RNF17: variants seen among roughly 807,000 people sequenced by gnomAD.
RNF17 encodes the protein ring finger protein 17.
In RNF17, 31 loss-of-function variants were observed where a neutral mutation model predicts 200.5. That is an observed-to-expected ratio of 0.15 (90% CI 0.12 to 0.21). The LOEUF is 0.21. RNF17 is among the 10% of genes least tolerant of loss of function. RNF17 has a pLI of 1.00. For synonymous variants in RNF17, 606 were observed against 637.8 expected (o/e 0.95, Z 0.75); for missense variants, 1,628 against 1,905.1 (o/e 0.85, Z 2.71).
intron 27 of RNF17, 36 bp from the exon 28 acceptor site, chr13:24,862,677 A>G: frequency 7.6e-7 from 1 of 1,313,044 alleles, no homozygotes; most frequent in Non-Finnish European, 1.1e-6. Context: ...ATTTTATGAA[A>G]GCATAAAAGA....
chr13:24,774,854 G>A lies in RNF17; in HGVS notation c.267G>A (p.Met89Ile). 6.2e-7 allele frequency: 1 copy of A among 1,612,580 alleles called. No individual in the cohort carries two copies. The highest frequency in any genetic ancestry group is 8.5e-7 in the Non-Finnish European group (1 of 1,178,850). Reference sequence around the variant, plus strand: ...ATACTAGACAACGCTACTACCCAATGGCTGGATATATTAAGGAAGACTCCA... The same window carrying A: ...ATACTAGACAACGCTACTACCCAATAGCTGGATATATTAAGGAAGACTCCA... ...AVNTRQRYYP[M>I]AGYIKEDSIM... is the part of the protein sequence containing the mutation. Residue 89 changes from methionine to isoleucine, a missense_variant, in exon 3 of 36, where the codon ATG becomes ATA. Around this residue, in one of 5 missense-constraint regions of RNF17, gnomAD observed 502 missense variants for 501.7 expected, o/e 1.00. Transcript: ENST00000255324.
rs192859362 is a variant in RNF17 at position 24,826,072 on chromosome 13, C to G, written c.2245+300C>G. The G allele has an allele frequency of 4.8e-5, 47 of 984,952 alleles. No homozygotes were observed. The African/African-American group carries it at 7.3e-4, about 15-fold the overall frequency. 61.0% of individuals were successfully genotyped at this position (984,952 alleles called of 1,614,324 possible). On this transcript the variant is annotated intron_variant, in intron 16 of 35. Coordinates refer to ENST00000255324, the MANE Select transcript of RNF17 (RefSeq NM_031277.3). ...CTCTAGTTTGATGTTGACTGTTTGT[C>G]TGTCCCATGCTATTTTGATTGTCAA... is the stretch of plus-strand genomic sequence containing the variant.
chr13:24,809,389 A>G (rs1304880128), intron 15 of RNF17, among the ~76,000 whole-genome samples: 1 of 152,062 alleles, frequency 6.6e-6, no homozygotes, highest in Non-Finnish European at 1.5e-5. Context: ...TGTGTCGAGG[A>G]ATTTATCCAT....
intron 26 of RNF17, among the ~76,000 whole-genome samples, chr13:24,860,075 G>C (rs1286549258): frequency 3.3e-5 from 5 of 151,748 alleles, no homozygotes; most frequent in Admixed American, 3.3e-4. Context: ...AAGTAAAATA[G>C]TTTCAAATTT....
intron 24 of RNF17, among the ~76,000 whole-genome samples, chr13:24,852,371 C>T (rs1892027460): frequency 6.6e-6 from 1 of 152,092 alleles, no homozygotes; most frequent in Admixed American, 6.6e-5. Context: ...ATCTCCTGAC[C>T]TCGTGATCTG....
intron 22 of RNF17, among the ~76,000 whole-genome samples, chr13:24,848,220 A>T (rs140052279): frequency 1.3e-5 from 2 of 152,206 alleles, no homozygotes; most frequent in African/African-American, 4.8e-5. Context: ...TTATAAACAC[A>T]GTCTGAACCC....
intron 16 of RNF17, chr13:24,826,172 A>C (rs1264996965): frequency 1.3e-6 from 1 of 796,350 alleles, no homozygotes; most frequent in Non-Finnish European, 1.5e-6. Flanking sequence ...TTTCCTGGGA[A>C]TTATTGACTG....
intron 15 of RNF17, among the ~76,000 whole-genome samples, chr13:24,821,746 T>A (rs972701346): frequency 6.6e-6 from 1 of 152,226 alleles, no homozygotes; most frequent in African/African-American, 2.4e-5. Flanking sequence ...TTTCCGAATT[T>A]TCTTTAGTTC....
intron 17 of RNF17, among the ~76,000 whole-genome samples, chr13:24,831,095 C>A (rs1191682939): frequency 1.3e-5 from 2 of 152,016 alleles, no homozygotes; most frequent in Non-Finnish European, 2.9e-5. Context: ...TGTTTTTAAG[C>A]CATGTTTTTC....
In RNF17 at chr13:24,820,876, T is replaced by A. The variant is rs556699134; in HGVS notation, c.2092-4743T>A. Among the ~76,000 whole-genome samples the A allele has an allele frequency of 1.6e-4, 25 of 152,308 alleles. No homozygotes were observed. The South Asian group carries it at 5.2e-3, about 32-fold the overall frequency. ...TTTAGAGTTTGATTATGTGTCTTGG[T>A]GTATGATTCTTTGGGTTTATCCTAT... On this transcript the variant is annotated intron_variant, in intron 15 of 35. Coordinates refer to ENST00000255324, the MANE Select transcript of RNF17 (RefSeq NM_031277.3).
intron 6 of RNF17, among the ~76,000 whole-genome samples, chr13:24,783,871 A>G (rs947936325): frequency 3.3e-5 from 5 of 152,148 alleles, no homozygotes; most frequent in Non-Finnish European, 5.9e-5. Flanking sequence ...CGAAAACCTT[A>G]TTTCTTGTCT....
intron 15 of RNF17, chr13:24,824,511 C>T (rs1334058726): frequency 4.1e-6 from 1 of 243,336 alleles, no homozygotes; most frequent in Non-Finnish European, 7.8e-6. Context: ...TATTTTTTAA[C>T]ATTAAGAATT....
At chr13:24,798,818 C>A (rs1884910962) in intron 11 of RNF17, among the ~76,000 whole-genome samples, 1 of 151,958 alleles carries the variant, frequency 6.6e-6, no homozygotes, top group African/African-American at 2.4e-5. Flanking sequence ...CCAACTGGTC[C>A]CTACAAAGGT....
chr13:24,750,715 A>G, the RNF17 span: 1 of 152,208 alleles, frequency 6.6e-6, no homozygotes, highest in Admixed American at 6.5e-5. Context: ...TTTTATACTG[A>G]AACAGTCTTT....
intron 18 of RNF17, among the ~76,000 whole-genome samples, chr13:24,838,232 T>A (rs1295617919): frequency 6.6e-6 from 1 of 152,084 alleles, no homozygotes; most frequent in Non-Finnish European, 1.5e-5. Context: ...ACCAGACGGA[T>A]TCACAGCAGA....
the RNF17 span, among the ~76,000 whole-genome samples, chr13:24,757,359 T>C: frequency 6.6e-6 from 1 of 151,570 alleles, no homozygotes; most frequent in Non-Finnish European, 1.5e-5. Context: ...AGTTTCACTC[T>C]GTCACCCAGG....
downstream of RNF17, chr13:24,882,137 G>T (rs866698754): frequency 1.4e-3 from 5 of 3,552 alleles, no homozygotes; most frequent in Admixed American, 0.014. Flanking sequence ...TATATAGATA[G>T]ATACATCTAT....
chr13:24,838,814 C>G (rs986225497), intron 18 of RNF17, among the ~76,000 whole-genome samples: 29 of 147,218 alleles, frequency 2.0e-4, no homozygotes, highest in African/African-American at 6.8e-4. Context: ...AGTGGAAGTC[C>G]TAGCCAGAGC....
rs1886560825 is a variant in RNF17 at position 24,811,201 on chromosome 13, T to A, written c.2091+6772T>A. On this transcript the variant is annotated intron_variant, in intron 15 of 35. Transcript: ENST00000255324. The stretch of plus-strand genomic sequence containing the variant: ...TGAATGTTGGCCTGCCTTGCTAGAT[T>A]GGGGAAGTTCTCCTGGATAATATCC... Among the ~76,000 whole-genome samples, 3 of 151,202 alleles carry A rather than the reference T, an allele frequency of 2.0e-5. No homozygotes were observed. In the South Asian group the frequency reaches 6.3e-4, roughly 32 times the overall value.
Sources: gnomAD v4.1 joint callset for allele counts (sites outside exome capture counted in the v4.1 genomes callset) on GRCh38, gnomAD v4.1.1 for gene constraint, gnomAD v4.1.1 regional missense constraint, MANE v1.5 for transcripts, NCBI Gene and HGNC (gene_info 2026-07-23, HGNC 2026-07-21) for gene names.